The following ZNF280B variants were observed in gnomAD, a reference collection of about 807,000 sequenced individuals.
ZNF280B encodes the protein suppressor of hairy wing homolog 2.
ZNF280B carries 16 observed loss-of-function variants against 38.0 expected under a neutral mutation model. The observed-to-expected ratio is 0.42, with a 90% CI of 0.28 to 0.64. ZNF280B has a LOEUF of 0.64. ZNF280B is among the 30% of genes least tolerant of loss of function. The pLI is 0.21. For missense variants in ZNF280B, 581 were observed against 639.6 expected (o/e 0.91, Z 0.99); for synonymous variants, 253 against 230.6 (o/e 1.10, Z -0.88).
chr22:22,491,911 T>C (rs2061603478), intron 3 of ZNF280B, among the ~76,000 whole-genome samples: 1 of 151,968 alleles, frequency 6.6e-6, no homozygotes, highest in African/African-American at 2.4e-5. Flanking sequence ...CTCACCAATT[T>C]CTAAAAACAT....
Position 22,484,844 on chromosome 22 carries a change from G to A in ZNF280B, c.*2923C>T, listed in dbSNP as rs1402266265. ...GGGAGAGAGTAAAGTGCCTTTAAGA[G>A]GAAAAGTAGAAGTTTTTTTTTTTTT... On this transcript the variant is annotated 3_prime_UTR_variant, in exon 4 of 4. Coordinates refer to ENST00000626650, the MANE Select transcript of ZNF280B (RefSeq NM_080764.4). 6.6e-6 allele frequency: 1 copy of A among 151,768 alleles called. No individual in the cohort carries two copies. The highest frequency in any genetic ancestry group is 1.5e-5 in the Non-Finnish European group (1 of 67,938). The allele number at this position is 151,768 out of a possible 1,614,324, so 9.4% of individuals were successfully genotyped here.
At chr22:22,497,208 T>TAAAAAAAAA in intron 2 of ZNF280B, among the ~76,000 whole-genome samples, 1 of 33,640 alleles carries the variant, frequency 3.0e-5, no homozygotes, top group Non-Finnish European at 5.8e-5. Flanking sequence ...TCTCCATCTT[T>TAAAAAAAAA]AAAAAAAAAA....
intron 3 of ZNF280B, among the ~76,000 whole-genome samples, chr22:22,492,861 G>A (rs1324486208): frequency 1.3e-5 from 2 of 150,254 alleles, no homozygotes; most frequent in Admixed American, 1.3e-4. Flanking sequence ...ACTCCAGTCC[G>A]GGTGACAGTG....
chr22:22,507,302 A>AT (rs916775340), intron 2 of ZNF280B, among the ~76,000 whole-genome samples: 21 of 151,782 alleles, frequency 1.4e-4, no homozygotes, highest in Non-Finnish European at 1.0e-4. Context: ...GAGGTAATAA[A>AT]TTTTTTTTTA....
At chr22:22,497,705 T>G (rs959999939) in intron 2 of ZNF280B, among the ~76,000 whole-genome samples, 2 of 151,996 alleles carry the variant, frequency 1.3e-5, no homozygotes, top group African/African-American at 4.8e-5. Flanking sequence ...AAATAGCTGC[T>G]GCTTCATAAA....
rs1163702795 is a variant in ZNF280B, at chr22:22,507,816, T to C, written c.-193A>G. The C allele has an allele frequency of 6.6e-6, 1 of 151,862 alleles. No individual in the cohort carries two copies. The highest frequency in any genetic ancestry group is 1.5e-5 in the Non-Finnish European group (1 of 67,986). The allele number at this position is 151,862 out of a possible 1,614,324, so 9.4% of individuals were successfully genotyped here. ...GAGACTTCTCTTTTCTTACCTCAGG[T>C]TTATTACAACGCAACTTTTAAGAAC... On this transcript the variant is annotated 5_prime_UTR_variant, in exon 2 of 4. Transcript: ENST00000626650.
At chr22:22,490,022 C>T (rs981260253) in intron 3 of ZNF280B, among the ~76,000 whole-genome samples, 8 of 151,804 alleles carry the variant, frequency 5.3e-5, no homozygotes, top group Admixed American at 6.6e-5. Flanking sequence ...ATATAGTAAT[C>T]TCATAAACAT....
At chr22:22,504,437 AAAAC>A (rs774092405) in intron 2 of ZNF280B, among the ~76,000 whole-genome samples, 28 of 151,918 alleles carry the variant, frequency 1.8e-4, no homozygotes, top group Admixed American at 7.2e-4. Context: ...AAAAAAAAAA[AAAAC>A]AAACAAACAA....
chr22:22,487,518 A>T lies in ZNF280B; in HGVS notation c.*249T>A, dbSNP rs376040494. 101 of 330,688 alleles carry T rather than the reference A, an allele frequency of 3.1e-4. No homozygotes were observed. Among genetic ancestry groups the T allele is most frequent in the African/African-American group, 8.0e-4 (37 of 46,526 alleles). 20.5% of individuals were successfully genotyped at this position (330,688 alleles called of 1,614,324 possible). On this transcript the variant is annotated 3_prime_UTR_variant, in exon 4 of 4. Coordinates refer to ENST00000626650, the MANE Select transcript of ZNF280B (RefSeq NM_080764.4). The stretch of plus-strand genomic sequence containing the variant: ...AAATTAATACCTTTTTCTCTCTCTC[A>T]CACACACACACAAACACCTTTTATG...
Position 22,487,666 on chromosome 22 carries a change from T to A in ZNF280B, c.*101A>T. On this transcript the variant is annotated 3_prime_UTR_variant, in exon 4 of 4. Transcript: ENST00000626650. Reference sequence around the variant, plus strand: ...GTCATATATAATCCACTAGTTTCACTATTTTTGGTGCTACTGAATAATGTA... The same window carrying A: ...GTCATATATAATCCACTAGTTTCACAATTTTTGGTGCTACTGAATAATGTA... 3 of 949,864 alleles carry A rather than the reference T, an allele frequency of 3.2e-6. No individual in the cohort carries two copies. Among genetic ancestry groups the A allele is most frequent in the Non-Finnish European group, 4.7e-6 (3 of 641,884 alleles). The allele number at this position is 949,864 out of a possible 1,614,324, so 58.8% of individuals were successfully genotyped here.
Position 22,487,873 on chromosome 22 carries a change from G to T in ZNF280B, c.1526C>A (p.Pro509His), listed in dbSNP as rs781001526. 1 of 1,613,804 alleles carries T rather than the reference G, an allele frequency of 6.2e-7. No homozygotes were observed. The highest frequency in any genetic ancestry group is 8.5e-7 in the Non-Finnish European group (1 of 1,179,934). The change falls in exon 4 of 4, where the codon CCT becomes CAT. Residue 509 changes from proline (P) to histidine (H), a missense_variant. Transcript: ENST00000626650. ...TKVTIQVSLE[P>H]LQPGSVDVAS... ...TACATCCACTGATCCTGGCTGAAGA[G>T]GTTCCAGCGACACTTGAATAGTAAC...
chr22:22,484,920 T>C lies in ZNF280B; in HGVS notation c.*2847A>G, dbSNP rs1357181896. 1 of 151,884 alleles carries C rather than the reference T, an allele frequency of 6.6e-6. No homozygotes were observed. The highest frequency in any genetic ancestry group is 2.0e-4 in the East Asian group (1 of 5,054). 9.4% of individuals were successfully genotyped at this position (151,884 alleles called of 1,614,324 possible). On this transcript the variant is annotated 3_prime_UTR_variant, in exon 4 of 4. Transcript: ENST00000626650. Reference sequence around the variant, plus strand: ...GCATTTTAAGAGCCTTGAAGCTCAATGAACCAAAGGAAGTGTCAAACAATT... The same window carrying C: ...GCATTTTAAGAGCCTTGAAGCTCAACGAACCAAAGGAAGTGTCAAACAATT...
intron 3 of ZNF280B, among the ~76,000 whole-genome samples, chr22:22,493,535 T>G (rs1286668741): frequency 6.6e-6 from 1 of 151,968 alleles, no homozygotes; most frequent in Non-Finnish European, 1.5e-5. Flanking sequence ...ACTCTCTATT[T>G]TGTAAACCTG....
chr22:22,492,865 G>T (rs1400434871), intron 3 of ZNF280B, among the ~76,000 whole-genome samples: 1 of 148,520 alleles, frequency 6.7e-6, no homozygotes, highest in Non-Finnish European at 1.5e-5. Flanking sequence ...CAGTCCGGGT[G>T]ACAGTGCGAG....
intron 2 of ZNF280B, among the ~76,000 whole-genome samples, chr22:22,505,370 G>A (rs144157664): frequency 0.01 from 1,548 of 151,674 alleles, 33 homozygotes; most frequent in African/African-American, 0.035. Flanking sequence ...GTTCGAGACC[G>A]GCCTGGCCAA....
intron 2 of ZNF280B, among the ~76,000 whole-genome samples, chr22:22,497,719 A>G (rs978962473): frequency 1.3e-5 from 2 of 152,012 alleles, no homozygotes; most frequent in African/African-American, 4.8e-5. Flanking sequence ...TCATAAAAGC[A>G]AAGAGAACAC....
chr22:22,507,496 T>C (rs1174029370), intron 2 of ZNF280B, among the ~76,000 whole-genome samples: 1 of 151,520 alleles, frequency 6.6e-6, no homozygotes, highest in East Asian at 2.0e-4. Context: ...ATACAGTCGC[T>C]GAGAAAGAGG....
chr22:22,497,062 C>A (rs536388780), intron 2 of ZNF280B, among the ~76,000 whole-genome samples: 2 of 150,950 alleles, frequency 1.3e-5, no homozygotes, highest in East Asian at 4.0e-4. Flanking sequence ...AGGTGATACA[C>A]CCGCCTTAGG....
Position 22,488,269 on chromosome 22 carries a change from A to G in ZNF280B, c.1130T>C (p.Ile377Thr), listed in dbSNP as rs760360243. 6.2e-7 allele frequency: 1 copy of G among 1,613,832 alleles called. No homozygotes were observed. The highest frequency in any genetic ancestry group is 8.5e-7 in the Non-Finnish European group (1 of 1,179,948). ...TAQEPSTVCK[I>T]CELSFETDQV... is the part of the protein sequence containing the mutation. ...ATCTGTTTCAAATGACAATTCACAG[A>G]TTTTACAGACAGTAGAGGGCTCCTG... Residue 377 changes from isoleucine to threonine, a missense_variant, in exon 4 of 4, where the codon ATC becomes ACC. By Grantham distance (89) the Ile-to-Thr change is moderately conservative. Transcript: ENST00000626650.
Sources: allele counts gnomAD v4.1 joint callset (sites outside exome capture counted in the v4.1 genomes callset), GRCh38; gene constraint gnomAD v4.1.1; transcripts MANE v1.5; gene names NCBI Gene and HGNC (gene_info 2026-07-23, HGNC 2026-07-21).